SZT2: variants seen among roughly 807,000 people sequenced by gnomAD.
SZT2 encodes KICSTOR complex protein SZT2.
SZT2 carries 216 observed loss-of-function variants against 404.2 expected under a neutral mutation model. The observed-to-expected ratio is 0.53, with a 90% CI of 0.48 to 0.60. SZT2 has a LOEUF of 0.60. SZT2 is among the 20% of genes least tolerant of loss of function. The pLI is 0.00. For missense variants in SZT2, 3,857 were observed against 4,459.2 expected, an observed-to-expected ratio of 0.86 and a Z score of 3.85; for synonymous variants, 1,693 against 1,749.9, an observed-to-expected ratio of 0.97 and a Z score of 0.81.
At chr1:43,396,002 C>T (rs1451676548) in intron 1 of SZT2, among the ~76,000 whole-genome samples, 3 of 152,134 alleles carry the variant, frequency 2.0e-5, no homozygotes, top group South Asian at 2.1e-4. Flanking sequence ...ATTGAATGAT[C>T]GTATGTGTCC....
chr1:43,403,809 A>T, intron 3 of SZT2, 35 bp downstream of exon 3: 1 of 1,607,340 alleles, frequency 6.2e-7, no homozygotes, highest in Non-Finnish European at 8.5e-7. Context: ...GGAAGAAAGG[A>T]TGGGGTGGGG....
At chr1:43,390,770 A>C (rs1306387411) in intron 1 of SZT2, among the ~76,000 whole-genome samples, 3 of 152,238 alleles carry the variant, frequency 2.0e-5, no homozygotes, top group Non-Finnish European at 2.9e-5. Context: ...AGCAGTTTGG[A>C]GTTAGAAGAT....
chr1:43,437,910 C>G lies in SZT2; in HGVS notation c.6508+8C>G, dbSNP rs1349878102. ...ATGGTGTTGGGCAGGCAGGTAAGGT[C>G]TGAGGAGGGGGTAGGGGAGTCGCCA... On this transcript the variant is annotated splice_region_variant and intron_variant, in intron 46 of 71. Coordinates refer to ENST00000634258, the MANE Select transcript of SZT2 (RefSeq NM_001365999.1). This position sits in a 1 kb window ranked among gnomAD's most constrained non-coding sequence, Gnocchi z 5.3. The G allele has an allele frequency of 3.7e-6, 6 of 1,613,902 alleles. No individual in the cohort carries two copies. Among genetic ancestry groups the G allele is most frequent in the Non-Finnish European group, 5.1e-6 (6 of 1,179,988 alleles).
chr1:43,436,928 A>G (rs1183597594), intron 42 of SZT2: 11 of 554,752 alleles, frequency 2.0e-5, no homozygotes, highest in Non-Finnish European at 3.2e-5. Flanking sequence ...GATACCTCTC[A>G]TTAGCTCCTT....
chr1:43,428,247 C>G lies in SZT2; in HGVS notation c.3927C>G (p.Phe1309Leu), dbSNP rs1043112468. 3 of 1,614,204 alleles carry G rather than the reference C, an allele frequency of 1.9e-6. No homozygotes were observed. Among genetic ancestry groups the G allele is most frequent in the Non-Finnish European group, 8.5e-7 (1 of 1,180,020 alleles). The change falls in exon 28 of 72, where the codon TTC becomes TTG. Residue 1309 changes from phenylalanine (F) to leucine (L), a missense_variant. By Grantham distance (22) the Phe-to-Leu change is conservative. Transcript: ENST00000634258. ...HAQRCYVRGLFRSLQQAQSVT... is the reference protein window; with the variant it reads ...HAQRCYVRGLLRSLQQAQSVT... ...CCCTTCCACTTCCATCAGGGCTATT[C>G]CGCAGCTTGCAGCAAGCACAGAGTG... is the stretch of plus-strand genomic sequence containing the variant.
In SZT2 at chr1:43,391,183, G is replaced by A. The variant is rs777429291; in HGVS notation, c.27+1188G>A. The stretch of plus-strand genomic sequence containing the variant: ...TGCAAAATTAGCCAAGCATGGTGGC[G>A]CAGGCCTGTAATCTCAGCTACTCGG... On this transcript the variant is annotated intron_variant, in intron 1 of 71. Transcript: ENST00000634258. 2.6e-5 allele frequency among the ~76,000 whole-genome samples: 4 copies of A among 152,206 alleles called. No individual in the cohort carries two copies. In the South Asian group the frequency reaches 8.3e-4, roughly 32 times the overall value.
Position 43,441,416 on chromosome 1 carries a change from T to C in SZT2, c.7511+36T>C. The C allele has an allele frequency of 6.2e-7, 1 of 1,612,196 alleles. No individual in the cohort carries two copies. Among genetic ancestry groups the C allele is most frequent in the Non-Finnish European group, 8.5e-7 (1 of 1,178,798 alleles). ...GGTGGTGGTGTGCCCTGGGAGGGTA[T>C]GGGTGTGAAGTCACAGATGGGCCTT... On this transcript the variant is annotated intron_variant, in intron 53 of 71. Transcript: ENST00000634258. The surrounding 1 kb of genome is among the most constrained non-coding windows in gnomAD (Gnocchi z 4.8).
chr1:43,439,281 C>A lies in SZT2; in HGVS notation c.6793-77C>A. The A allele has an allele frequency of 6.4e-7, 1 of 1,553,402 alleles. No individual in the cohort carries two copies. The highest frequency in any genetic ancestry group is 8.9e-7 in the Non-Finnish European group (1 of 1,126,498). ...CTCCCATATCTACCTGCACCACATT[C>A]CCCACTGTGGGCACCCATCCCCGAG... is the stretch of plus-strand genomic sequence containing the variant. On this transcript the variant is annotated intron_variant, in intron 48 of 71. Transcript: ENST00000634258. The surrounding 1 kb of genome is among the most constrained non-coding windows in gnomAD (Gnocchi z 4.2).
At position 43,446,070 on chromosome 1, in the gene SZT2, G is replaced by A. The variant is rs1226531021; in HGVS notation, c.8916+86G>A. 7.0e-6 allele frequency: 11 copies of A among 1,582,678 alleles called. No homozygotes were observed. In the Admixed American group the frequency reaches 1.8e-4, roughly 26 times the overall value. ...CATTGACCCTGAGTGATGTACCGAGGTCACTGATCCCAGACTGACACCATT... is the reference window on the plus strand; with the variant it reads ...CATTGACCCTGAGTGATGTACCGAGATCACTGATCCCAGACTGACACCATT... On this transcript the variant is annotated intron_variant, in intron 63 of 71. Transcript: ENST00000634258.
rs1455638811 is a variant in SZT2 at position 43,448,811 on chromosome 1, C to T, written c.10086+83C>T. On this transcript the variant is annotated intron_variant, in intron 70 of 71. Transcript: ENST00000634258. This position sits in a 1 kb window ranked among gnomAD's most constrained non-coding sequence, Gnocchi z 4.2. ...AGATGTGCCCCTCAGCCTGACCAAA[C>T]AAGCTCTGCTCTGGAGGGAGGCCTA... 8 of 1,320,612 alleles carry T rather than the reference C, an allele frequency of 6.1e-6. No homozygotes were observed. Among genetic ancestry groups the T allele is most frequent in the Non-Finnish European group, 7.6e-6 (7 of 915,408 alleles). 81.8% of individuals were successfully genotyped at this position (1,320,612 alleles called of 1,614,324 possible). A position where few individuals can be genotyped will look rare whatever the true frequency, so the allele number is the denominator to read the frequency against.
chr1:43,425,260 C>T lies in SZT2; in HGVS notation c.2645+53C>T, dbSNP rs1186261624. 1 of 1,601,298 alleles carries T rather than the reference C, an allele frequency of 6.2e-7. No homozygotes were observed. The highest frequency in any genetic ancestry group is 1.3e-5 in the African/African-American group (1 of 74,672). On this transcript the variant is annotated intron_variant, in intron 18 of 71. Coordinates refer to ENST00000634258, the MANE Select transcript of SZT2 (RefSeq NM_001365999.1). This position sits in a 1 kb window ranked among gnomAD's most constrained non-coding sequence, Gnocchi z 4.3. ...CTCTGCAGAGTCAGCCTTCTCCCCA[C>T]CATCCCCTAGAGGTCTGGCTCCCAT...
chr1:43,447,945 A>G lies in SZT2; in HGVS notation c.9537A>G (p.Gln3179=). 1 of 1,614,012 alleles carries G rather than the reference A, an allele frequency of 6.2e-7. No individual in the cohort carries two copies. Among genetic ancestry groups the G allele is most frequent in the Admixed American group, 1.7e-5 (1 of 60,026 alleles). ...VCHCAAPFEE[Q]GEAERHVLRL... ...ACTGTGCTGCACCCTTTGAGGAGCA[A>G]GGAGAGGCTGAGCGGCACGTTCTGC... is the stretch of plus-strand genomic sequence containing the variant. Residue 3179 remains glutamine (Q), a synonymous_variant, in exon 68 of 72, where the codon CAA becomes CAG. Transcript: ENST00000634258.
chr1:43,432,039 G>T, intron 36 of SZT2, 138 bp downstream of exon 36: 1 of 1,211,026 alleles, frequency 8.3e-7, no homozygotes, highest in Non-Finnish European at 1.2e-6. Context: ...CACATCATCT[G>T]CCCTAACCCC....
Position 43,420,595 on chromosome 1 carries a change from G to A in SZT2, c.1262-154G>A, listed in dbSNP as rs898145018. Among the ~76,000 whole-genome samples the A allele has an allele frequency of 7.2e-5, 11 of 152,206 alleles. No individual in the cohort carries two copies. Among genetic ancestry groups the A allele is most frequent in the Admixed American group, 5.9e-4 (9 of 15,288 alleles). On this transcript the variant is annotated intron_variant, in intron 9 of 71. Coordinates refer to ENST00000634258, the MANE Select transcript of SZT2 (RefSeq NM_001365999.1). This position sits in a 1 kb window ranked among gnomAD's most constrained non-coding sequence, Gnocchi z 5.1. ...TTTCTACAAACTTGTGTTTGTGTCA[G>A]TGGGCCAACTCTGGGCCTGAAACCT... is the stretch of plus-strand genomic sequence containing the variant.
rs1162465373 is a variant in SZT2 at position 43,427,960 on chromosome 1, C to T, written c.3804-43C>T. The stretch of plus-strand genomic sequence containing the variant: ...GATGGCTAATGAGTGTGAGGTATCA[C>T]TTAAGGGAGTTGGTCAAGTTCCATT... On this transcript the variant is annotated intron_variant, in intron 26 of 71. Transcript: ENST00000634258. 3.9e-6 allele frequency: 6 copies of T among 1,553,400 alleles called. No individual in the cohort carries two copies. In the African/African-American group the frequency reaches 8.2e-5, roughly 21 times the overall value.
Position 43,446,194 on chromosome 1 carries a change from G to A in SZT2, c.8932G>A (p.Val2978Ile). ...GTTTCTTCAGAGCACTAGCTCTCCG[G>A]TAACCACCTACCACCTGCAGCGGGC... ...DGSPKSTSSP[V>I]TTYHLQRALP... The change falls in exon 64 of 72, where the codon GTA becomes ATA. Residue 2978 changes from valine (V) to isoleucine (I), a missense_variant. Around this residue, in one of 7 missense-constraint regions of SZT2, gnomAD observed 717 missense variants for 868.2 expected, o/e 0.83. Transcript: ENST00000634258. 1.2e-6 allele frequency: 2 copies of A among 1,614,214 alleles called. No homozygotes were observed. Among genetic ancestry groups the A allele is most frequent in the Admixed American group, 3.3e-5 (2 of 60,032 alleles).
Position 43,419,937 on chromosome 1 carries a change from T to C in SZT2, c.1083T>C (p.Tyr361=). The change falls in exon 8 of 72, where the codon TAT becomes TAC. Residue 361 remains tyrosine, a synonymous_variant. Coordinates refer to ENST00000634258, the MANE Select transcript of SZT2 (RefSeq NM_001365999.1). ...LRSGEALNPE[Y]YCGSQHRLFN... ...GTGGGGAAGCACTGAACCCTGAATA[T>C]TACTGCGGTGAGAGGCACACTGAGG... is the stretch of plus-strand genomic sequence containing the variant. 1 of 1,598,172 alleles carries C rather than the reference T, an allele frequency of 6.3e-7. No individual in the cohort carries two copies. Among genetic ancestry groups the C allele is most frequent in the Non-Finnish European group, 8.5e-7 (1 of 1,179,664 alleles).
intron 35 of SZT2, 28 bp from the exon 36 acceptor site, chr1:43,431,688 C>T (rs148653700): frequency 3.7e-6 from 6 of 1,611,608 alleles, no homozygotes; most frequent in Middle Eastern, 1.7e-4. Context: ...AAGGGAGATG[C>T]CCTTTGTCAC....
At position 43,442,768 on chromosome 1, in the gene SZT2, G is replaced by A. The variant is rs1396292251; in HGVS notation, c.8152-51G>A. ...AGAGAGGAAGCCCTGGGATGAGAGA[G>A]AGGGTCCGAGGGCAAAGGCTATGAA... is the stretch of plus-strand genomic sequence containing the variant. On this transcript the variant is annotated intron_variant, in intron 58 of 71. Coordinates refer to ENST00000634258, the MANE Select transcript of SZT2 (RefSeq NM_001365999.1). This position sits in a 1 kb window ranked among gnomAD's most constrained non-coding sequence, Gnocchi z 4.5. 1.3e-6 allele frequency: 2 copies of A among 1,545,028 alleles called. No individual in the cohort carries two copies. Among genetic ancestry groups the A allele is most frequent in the Admixed American group, 3.7e-5 (2 of 53,584 alleles).
Sources: gnomAD v4.1 joint callset for allele counts (sites outside exome capture counted in the v4.1 genomes callset) on GRCh38, gnomAD v4.1.1 for gene constraint, gnomAD v4.1.1 regional missense constraint, Gnocchi (gnomAD v3.1) non-coding constraint, MANE v1.5 for transcripts, NCBI Gene and HGNC (gene_info 2026-07-23, HGNC 2026-07-21) for gene names.